The following DPP10 variants were observed in gnomAD, a reference collection of about 807,000 sequenced individuals.
DPP10 encodes inactive dipeptidyl peptidase 10.
DPP10 carries 33 observed loss-of-function variants against 120.9 expected under a neutral mutation model. The observed-to-expected ratio is 0.27, with a 90% CI of 0.21 to 0.37. The LOEUF (loss-of-function observed/expected upper bound fraction) is 0.37, where lower values mean the gene tolerates loss of function less well. Among genes scored for constraint, DPP10 ranks in the 10% least tolerant of loss-of-function variants. The probability of loss-of-function intolerance (pLI) is 1.00; values close to 1 mark genes in which losing one functional copy is unlikely to be tolerated. For synonymous variants in DPP10, 337 were observed against 326.1 expected (o/e 1.03, Z -0.36); for missense variants, 816 against 942.8 (o/e 0.87, Z 1.76).
At chr2:115,162,477 G>C (rs2052486161) in intron 1 of DPP10, among the ~76,000 whole-genome samples, 2 of 152,202 alleles carry the variant, frequency 1.3e-5, no homozygotes, top group Non-Finnish European at 2.9e-5. Context: ...CCGAGCAGGC[G>C]AATGACCTTT....
chr2:114,927,659 C>G lies in DPP10; in HGVS notation c.61-381580C>G, dbSNP rs553343472. Among the ~76,000 whole-genome samples, 20 of 152,308 alleles carry G rather than the reference C, an allele frequency of 1.3e-4. No individual in the cohort carries two copies. The South Asian group carries it at 4.1e-3, about 32-fold the overall frequency. On this transcript the variant is annotated intron_variant, in intron 1 of 25. Coordinates refer to ENST00000410059, the MANE Select transcript of DPP10 (RefSeq NM_020868.6). ...CAGATTTGCCCTGAGAAGTTCCCAG[C>G]TTGAAAGGGCCCAAGACATTTTCCT...
intron 1 of DPP10, among the ~76,000 whole-genome samples, chr2:114,584,709 C>A (rs1478103042): frequency 6.6e-6 from 1 of 151,792 alleles, no homozygotes; most frequent in Non-Finnish European, 1.5e-5. Flanking sequence ...ACTAGGCAGC[C>A]AATGACTCAG....
chr2:115,689,931 G>A lies in DPP10; in HGVS notation c.576+10G>A, dbSNP rs368775291. 6 of 1,613,564 alleles carry A rather than the reference G, an allele frequency of 3.7e-6. No homozygotes were observed. The African/African-American group carries it at 8.0e-5, about 22-fold the overall frequency. On this transcript the variant is annotated intron_variant, in intron 7 of 25. Transcript: ENST00000410059. ...CCAAGGGCAGCAGCTGGTAAGCGCA[G>A]GCATTGGTATGCACTGAACACTGCC... is the stretch of plus-strand genomic sequence containing the variant.
At chr2:114,693,526 C>T (rs189872249) in intron 1 of DPP10, among the ~76,000 whole-genome samples, 5 of 151,770 alleles carry the variant, frequency 3.3e-5, no homozygotes, top group African/African-American at 1.2e-4. Flanking sequence ...TCTTTCATTT[C>T]GATTTTGGAG....
chr2:114,797,011 A>G (rs1479905768), intron 1 of DPP10, among the ~76,000 whole-genome samples: 5 of 152,202 alleles, frequency 3.3e-5, no homozygotes, highest in African/African-American at 1.2e-4. Context: ...ATAGCTCAAC[A>G]GTCTAGATAC....
At chr2:115,489,522 C>A (rs1367913387) in intron 3 of DPP10, among the ~76,000 whole-genome samples, 2 of 151,780 alleles carry the variant, frequency 1.3e-5, no homozygotes, top group Non-Finnish European at 2.9e-5. Context: ...ACAAAACAGT[C>A]CCTTTGTGGC....
At chr2:115,713,936 A>G (rs1447922825) in intron 7 of DPP10, among the ~76,000 whole-genome samples, 1 of 152,280 alleles carries the variant, frequency 6.6e-6, no homozygotes, top group East Asian at 1.9e-4. Flanking sequence ...CCAGAAGTCC[A>G]CTGCTCATTT....
intron 12 of DPP10, 152 bp downstream of exon 12, chr2:115,762,762 T>C: frequency 2.2e-6 from 2 of 901,282 alleles, no homozygotes; most frequent in East Asian, 5.0e-5. Flanking sequence ...ACTTATGACT[T>C]GGGCTTTCTA....
intron 2 of DPP10, among the ~76,000 whole-genome samples, chr2:115,310,730 AG>A (rs1437570573): frequency 6.6e-6 from 1 of 152,208 alleles, no homozygotes; most frequent in African/African-American, 2.4e-5. Context: ...TCATTGTTAC[AG>A]GAAGATGAGT....
intron 5 of DPP10, among the ~76,000 whole-genome samples, chr2:115,618,184 A>G (rs1277979041): frequency 6.6e-6 from 1 of 152,230 alleles, no homozygotes; most frequent in Non-Finnish European, 1.5e-5. Context: ...GAGAAAACAA[A>G]TCTGTAAAGA....
chr2:115,179,083 T>G lies in DPP10; in HGVS notation c.61-130156T>G, dbSNP rs114447633. On this transcript the variant is annotated intron_variant, in intron 1 of 25. Transcript: ENST00000410059. ...ATTAGACTCAAGTATGTATCCCAGC[T>G]TTTGCAGATTTTAATAAGTTGAAAA... Among the ~76,000 whole-genome samples the G allele has an allele frequency of 1.6e-3, 248 of 152,312 alleles. 1 individual carries two copies. Among genetic ancestry groups the G allele is most frequent in the Non-Finnish European group, 2.9e-3 (195 of 68,014 alleles).
chr2:114,987,341 T>G (rs775190882), intron 1 of DPP10, among the ~76,000 whole-genome samples: 2 of 152,104 alleles, frequency 1.3e-5, no homozygotes, highest in Non-Finnish European at 2.9e-5. Flanking sequence ...GAACCTAAAT[T>G]TCATCACATT....
intron 1 of DPP10, among the ~76,000 whole-genome samples, chr2:115,256,856 G>C (rs891503991): frequency 2.6e-5 from 4 of 152,128 alleles, no homozygotes; most frequent in Non-Finnish European, 5.9e-5. Context: ...CTGAATGAAG[G>C]CTGCTTGTTA....
chr2:115,417,332 G>A (rs765633985), intron 3 of DPP10, among the ~76,000 whole-genome samples: 1 of 151,986 alleles, frequency 6.6e-6, no homozygotes, highest in Non-Finnish European at 1.5e-5. Context: ...AAATGATGTC[G>A]ACTTCTTTCT....
chr2:115,800,106 G>A (rs549332310), intron 19 of DPP10, among the ~76,000 whole-genome samples: 56 of 151,038 alleles, frequency 3.7e-4, no homozygotes, highest in African/African-American at 1.4e-3. Context: ...GTTGTTTCCT[G>A]ACTTTTTAAT....
intron 8 of DPP10, among the ~76,000 whole-genome samples, chr2:115,733,170 G>T (rs929542215): frequency 1.3e-5 from 2 of 152,200 alleles, no homozygotes; most frequent in Non-Finnish European, 2.9e-5. Flanking sequence ...GATTCTGATT[G>T]TTACACTTTT....
chr2:115,333,406 G>A (rs1046010609), intron 2 of DPP10, among the ~76,000 whole-genome samples: 3 of 152,104 alleles, frequency 2.0e-5, no homozygotes, highest in Admixed American at 1.3e-4. Context: ...TTTAATTGGA[G>A]CATTTGGCCC....
At chr2:115,561,381 A>AC (rs2080661217) in intron 5 of DPP10, among the ~76,000 whole-genome samples, 1 of 150,804 alleles carries the variant, frequency 6.6e-6, no homozygotes, top group East Asian at 1.9e-4. Context: ...AAAAAAAAAA[A>AC]AAAGGAATCT....
chr2:115,372,835 A>G (rs181450543), intron 3 of DPP10, among the ~76,000 whole-genome samples: 16 of 152,300 alleles, frequency 1.1e-4, no homozygotes, highest in Admixed American at 9.8e-4. Context: ...TTGTACTGGA[A>G]TCTTAGCCTA....
Sources: gnomAD v4.1 joint callset for allele counts (sites outside exome capture counted in the v4.1 genomes callset) on GRCh38, gnomAD v4.1.1 for gene constraint, MANE v1.5 for transcripts, NCBI Gene and HGNC (gene_info 2026-07-23, HGNC 2026-07-21) for gene names.